The following RANGAP1 variants were observed in gnomAD, a reference collection of about 807,000 sequenced individuals.
The protein encoded by RANGAP1 is ran GTPase-activating protein 1.
In RANGAP1, 38 loss-of-function variants were observed where a neutral mutation model predicts 63.5. That is an observed-to-expected ratio of 0.60 (90% CI 0.46 to 0.78). The LOEUF is 0.78. Ranked by LOEUF, RANGAP1 falls within the 30% of genes least tolerant of loss-of-function variation. The pLI, the probability that RANGAP1 is intolerant of heterozygous loss-of-function variation, is 0.00. For missense variants in RANGAP1, 630 were observed against 740.3 expected, an observed-to-expected ratio of 0.85 and a Z score of 1.73; for synonymous variants, 329 against 310.5, an observed-to-expected ratio of 1.06 and a Z score of -0.63.
At chr22:41,287,646 C>T (rs111366653), upstream of RANGAP1, among the ~76,000 whole-genome samples, 2 of 148,494 alleles carry the variant, frequency 1.3e-5, no homozygotes, top group African/African-American at 5.0e-5. Context: ...GGCGACAGAG[C>T]AAGACCTTGT....
At chr22:41,276,790 C>A (rs561523105) in intron 2 of RANGAP1, among the ~76,000 whole-genome samples, 4 of 151,786 alleles carry the variant, frequency 2.6e-5, no homozygotes, top group Middle Eastern at 3.4e-3. Context: ...TCAAGAACAG[C>A]CTGGCCAACA....
Position 41,274,691 on chromosome 22 carries a change from C to T in RANGAP1, c.149G>A (p.Ser50Asn), listed in dbSNP as rs761572172. The change falls in exon 3 of 16, where the codon AGC (serine) becomes AAC (asparagine). Residue 50 changes from serine (S) to asparagine (N), a missense_variant. Transcript: ENST00000356244. ...DVIKEIEDFD[S>N]LEALRLEGNT... ...GCCTTCCAGACGCAGAGCCTCCAAG[C>T]TGTCAAAGTCTTCAATCTCTTTAAT... 6.2e-7 allele frequency: 1 copy of T among 1,614,196 alleles called. No individual in the cohort carries two copies. Among genetic ancestry groups the T allele is most frequent in the Admixed American group, 1.7e-5 (1 of 60,024 alleles).
chr22:41,254,792 G>A, intron 10 of RANGAP1: 1 of 289,478 alleles, frequency 3.5e-6, no homozygotes, highest in Non-Finnish European at 5.2e-6. Context: ...CTAACGTGGT[G>A]AAACCCCGTC....
At chr22:41,283,631 G>GCT (rs1332281732) in intron 1 of RANGAP1, among the ~76,000 whole-genome samples, 1 of 152,226 alleles carries the variant, frequency 6.6e-6, no homozygotes, top group African/African-American at 2.4e-5. Context: ...GGGGGAACAT[G>GCT]ATTCCTGCAA....
At chr22:41,285,750 T>C in intron 1 of RANGAP1, 1 of 932,836 alleles carries the variant, frequency 1.1e-6, no homozygotes, top group African/African-American at 1.8e-5. Context: ...AGCTGCAGGC[T>C]GAGCTGCTCT....
At chr22:41,259,628 T>C (rs1221178820) in intron 6 of RANGAP1, among the ~76,000 whole-genome samples, 1 of 152,226 alleles carries the variant, frequency 6.6e-6, no homozygotes, top group Non-Finnish European at 1.5e-5. Context: ...TATTTCTATA[T>C]ATCAGCAGTA....
chr22:41,279,779 G>A (rs1367399927), intron 2 of RANGAP1, among the ~76,000 whole-genome samples: 3 of 148,364 alleles, frequency 2.0e-5, no homozygotes, highest in African/African-American at 7.5e-5. Context: ...TCCAGCCTGG[G>A]TGGCAGAGTG....
Position 41,256,009 on chromosome 22 carries a change from C to T in RANGAP1, c.1073+12G>A, listed in dbSNP as rs369329189. On this transcript the variant is annotated intron_variant, in intron 10 of 15. Coordinates refer to ENST00000356244, the MANE Select transcript of RANGAP1 (RefSeq NM_002883.4). ...CTGACCCCGACCTCTGGGGCCACCC[C>T]GAGTTCCCTACCTGAGGGACGCCAG... The T allele has an allele frequency of 1.4e-5, 22 of 1,611,950 alleles. No homozygotes were observed. The highest frequency in any genetic ancestry group is 5.0e-5 in the Admixed American group (3 of 59,992).
chr22:41,257,967 C>G lies in RANGAP1; in HGVS notation c.755G>C (p.Gly252Ala). The G allele has an allele frequency of 6.2e-7, 1 of 1,610,202 alleles. No homozygotes were observed. Among genetic ancestry groups the G allele is most frequent in the Non-Finnish European group, 8.5e-7 (1 of 1,177,514 alleles). ...CCTCACCTCGGCCATGGCCACGGCG[C>G]CCTTCTCAGTGAAGGTGTTGTCATT... ...NLNDNTFTEK[G>A]AVAMAETLKT... Residue 252 changes from glycine to alanine, a missense_variant, in exon 7 of 16, where the codon GGC becomes GCC. Coordinates refer to ENST00000356244, the MANE Select transcript of RANGAP1 (RefSeq NM_002883.4). This position sits in a 1 kb window ranked among gnomAD's most constrained non-coding sequence, Gnocchi z 4.0.
intron 4 of RANGAP1, among the ~76,000 whole-genome samples, chr22:41,267,379 G>A (rs1179023896): frequency 6.6e-6 from 1 of 152,026 alleles, no homozygotes; most frequent in Non-Finnish European, 1.5e-5. Flanking sequence ...CCAGGGTGAG[G>A]GGCTCAGTAA....
upstream of RANGAP1, among the ~76,000 whole-genome samples, chr22:41,286,638 A>T (rs1482890598): frequency 6.6e-6 from 1 of 152,208 alleles, no homozygotes; most frequent in Non-Finnish European, 1.5e-5. Flanking sequence ...GTCCCATGAA[A>T]CTGAAAGGGC....
rs1462038802 is a variant in RANGAP1, at chr22:41,263,984, C to A, written c.480+680G>T. Reference sequence around the variant, plus strand: ...GTGGGTGGGAAAAGTTAAGGTATTGCATATTCAAATAAGATATCCCCAACT... The same window carrying A: ...GTGGGTGGGAAAAGTTAAGGTATTGAATATTCAAATAAGATATCCCCAACT... On this transcript the variant is annotated intron_variant, in intron 5 of 15. Transcript: ENST00000356244. Among the ~76,000 whole-genome samples, 4 of 152,258 alleles carry A rather than the reference C, an allele frequency of 2.6e-5. No individual in the cohort carries two copies. The East Asian group carries it at 7.7e-4, about 29-fold the overall frequency.
Position 41,258,044 on chromosome 22 carries a change from A to T in RANGAP1, c.678T>A (p.Thr226=). 6.2e-7 allele frequency: 1 copy of T among 1,613,720 alleles called. No homozygotes were observed. Among genetic ancestry groups the T allele is most frequent in the Non-Finnish European group, 8.5e-7 (1 of 1,179,742 alleles). The change falls in exon 7 of 16, where the codon ACT becomes ACA. Residue 226 remains threonine, a synonymous_variant. Transcript: ENST00000356244. Reference sequence around the variant, plus strand: ...TGACAGCGAAAGCCTGGGCCAGGGCAGTGATGCCAGGGTGGTTGATCCCAT... The same window carrying T: ...TGACAGCGAAAGCCTGGGCCAGGGCTGTGATGCCAGGGTGGTTGATCCCAT... ...PQNGINHPGI[T]ALAQAFAVNP...
chr22:41,291,250 A>C, the RANGAP1 span, among the ~76,000 whole-genome samples: 2 of 152,192 alleles, frequency 1.3e-5, no homozygotes, highest in East Asian at 3.8e-4. Context: ...TCTAATGTTT[A>C]TGGAGGATTT....
chr22:41,258,838 G>C (rs531357694), intron 6 of RANGAP1, among the ~76,000 whole-genome samples: 1 of 152,160 alleles, frequency 6.6e-6, no homozygotes, highest in Admixed American at 6.6e-5. Context: ...ATTTTTAGTA[G>C]AGATGGAGGT....
chr22:41,296,850 C>A, the RANGAP1 span, among the ~76,000 whole-genome samples: 1 of 152,090 alleles, frequency 6.6e-6, no homozygotes, highest in Admixed American at 6.6e-5. Flanking sequence ...GTCCTAAGAT[C>A]TACAGTCAGC....
chr22:41,262,476 G>A (rs2034227202), intron 5 of RANGAP1, among the ~76,000 whole-genome samples: 1 of 152,228 alleles, frequency 6.6e-6, no homozygotes, highest in Non-Finnish European at 1.5e-5. Context: ...GTACTTTACA[G>A]ATGAGGAAGC....
intron 15 of RANGAP1, among the ~76,000 whole-genome samples, chr22:41,248,793 C>T (rs1173820009): frequency 1.3e-5 from 2 of 152,352 alleles, no homozygotes; most frequent in South Asian, 2.1e-4. Flanking sequence ...CACCCCAGGA[C>T]CCTCCAGAAC....
intron 3 of RANGAP1, among the ~76,000 whole-genome samples, chr22:41,272,127 T>C (rs1230298456): frequency 6.6e-6 from 1 of 152,166 alleles, no homozygotes; most frequent in Admixed American, 6.5e-5. Context: ...AAGGTGGTGC[T>C]GTTAGGGCTT....
Sources: allele counts gnomAD v4.1 joint callset (sites outside exome capture counted in the v4.1 genomes callset), GRCh38; gene constraint gnomAD v4.1.1; non-coding constraint Gnocchi (gnomAD v3.1); transcripts MANE v1.5; gene names NCBI Gene and HGNC (gene_info 2026-07-23, HGNC 2026-07-21).